The following MEGF10 variants were observed in gnomAD, a reference collection of about 807,000 sequenced individuals.
MEGF10 encodes the protein multiple EGF like domains 10.
In MEGF10, 86 loss-of-function variants were observed where a neutral mutation model predicts 147.5. The ratio of observed to expected loss-of-function variants is 0.58; its 90% CI spans 0.49 to 0.70. MEGF10 has a LOEUF of 0.70. Among genes scored for constraint, MEGF10 ranks in the 30% least tolerant of loss-of-function variants. The pLI is 0.00. For missense variants in MEGF10, 1,329 were observed against 1,487.3 expected (o/e 0.89, Z 1.75); for synonymous variants, 478 against 525.5 (o/e 0.91, Z 1.24).
intron 8 of MEGF10, among the ~76,000 whole-genome samples, chr5:127,408,429 A>G (rs1183660381): frequency 6.6e-6 from 1 of 152,184 alleles, no homozygotes; most frequent in Non-Finnish European, 1.5e-5. Context: ...ATGAGACCAC[A>G]TTATTGTACT....
At chr5:127,246,398 G>C in the MEGF10 span, among the ~76,000 whole-genome samples, 1 of 152,028 alleles carries the variant, frequency 6.6e-6, no homozygotes, top group Non-Finnish European at 1.5e-5. Context: ...AGTGGGAGTT[G>C]AACAATGAGA....
the MEGF10 span, among the ~76,000 whole-genome samples, chr5:127,262,615 A>C: frequency 1.2e-4 from 19 of 152,168 alleles, no homozygotes; most frequent in African/African-American, 4.3e-4. Context: ...CCTATCAAGG[A>C]TCAATTTATC....
chr5:127,424,247 G>A, intron 13 of MEGF10: 2 of 688,012 alleles, frequency 2.9e-6, no homozygotes, highest in South Asian at 3.1e-5. Context: ...CTCTCCTTAT[G>A]CCAGCACCAT....
intron 4 of MEGF10, among the ~76,000 whole-genome samples, chr5:127,350,891 G>A (rs72786500): frequency 0.097 from 14,777 of 151,902 alleles, 818 homozygotes; most frequent in Middle Eastern, 0.17. Flanking sequence ...ATCACATCCG[G>A]GTAAATGGGG....
rs532711557 is a variant in MEGF10 at position 127,392,679 on chromosome 5, G to A, written c.413-3853G>A. On this transcript the variant is annotated intron_variant, in intron 5 of 24. Transcript: ENST00000503335. ...TTGAATGAACTTCAGTACCCAGCCC[G>A]TGAATGTAACCTGGGGTTACTGGGG... is the stretch of plus-strand genomic sequence containing the variant. Among the ~76,000 whole-genome samples the A allele has an allele frequency of 1.2e-4, 18 of 152,300 alleles. 1 individual carries two copies. Among genetic ancestry groups the A allele is most frequent in the Middle Eastern group, 3.4e-3 (1 of 294 alleles).
intron 21 of MEGF10, among the ~76,000 whole-genome samples, chr5:127,448,159 A>G (rs554549063): frequency 1.3e-5 from 2 of 152,326 alleles, no homozygotes; most frequent in Admixed American, 6.5e-5. Flanking sequence ...TAGTAACAAC[A>G]ACAGTAATAG....
intron 5 of MEGF10, among the ~76,000 whole-genome samples, chr5:127,388,783 G>T (rs1367667009): frequency 1.3e-5 from 2 of 150,208 alleles, no homozygotes; most frequent in Non-Finnish European, 3.0e-5. Context: ...CTGACCTCGT[G>T]ATCCACCCGC....
chr5:127,342,558 A>C (rs1761727097), intron 4 of MEGF10, among the ~76,000 whole-genome samples: 1 of 144,422 alleles, frequency 6.9e-6, no homozygotes, highest in Admixed American at 6.8e-5. Flanking sequence ...AGATCCAAGC[A>C]AGCTCAGTTA....
At chr5:127,444,625 A>G (rs1209331667) in intron 19 of MEGF10, 1 of 152,184 alleles carries the variant, frequency 6.6e-6, no homozygotes, top group African/African-American at 2.4e-5. Context: ...TTGAATCTCA[A>G]CCCATGCCTT....
chr5:127,354,169 T>C (rs1328079393), intron 4 of MEGF10, among the ~76,000 whole-genome samples: 2 of 152,130 alleles, frequency 1.3e-5, no homozygotes, highest in Admixed American at 1.3e-4. Flanking sequence ...GAAAAATAGT[T>C]CTGTAGATGA....
At chr5:127,280,700 C>T in the MEGF10 span, among the ~76,000 whole-genome samples, 2 of 152,142 alleles carry the variant, frequency 1.3e-5, no homozygotes. Context: ...TGCTGGATCC[C>T]TGATTGCTGA....
At chr5:127,262,703 T>A in the MEGF10 span, among the ~76,000 whole-genome samples, 97 of 152,330 alleles carry the variant, frequency 6.4e-4, 1 homozygote, top group African/African-American at 2.2e-3. Context: ...CTGTTCTTCC[T>A]TCTCCCTAGT....
intron 19 of MEGF10, 141 bp from the exon 20 acceptor site, chr5:127,445,316 T>C (rs1447019916): frequency 1.0e-5 from 7 of 688,240 alleles, no homozygotes; most frequent in Non-Finnish European, 1.3e-5. Context: ...GTTTGCTTTT[T>C]CTTCCTGCTC....
the MEGF10 span, among the ~76,000 whole-genome samples, chr5:127,255,535 C>G: frequency 6.6e-6 from 1 of 152,122 alleles, no homozygotes. Flanking sequence ...GTGAGGACAG[C>G]CAGCCTATGA....
chr5:127,363,093 A>C (rs1762533942), intron 4 of MEGF10, among the ~76,000 whole-genome samples: 1 of 152,178 alleles, frequency 6.6e-6, no homozygotes, highest in Non-Finnish European at 1.5e-5. Flanking sequence ...TCCCACTTGC[A>C]CTAGGTCGTG....
the MEGF10 span, among the ~76,000 whole-genome samples, chr5:127,248,738 C>T: frequency 6.6e-6 from 1 of 151,042 alleles, no homozygotes; most frequent in Non-Finnish European, 1.5e-5. Flanking sequence ...TCAGTTGTCC[C>T]ATATGTAGGG....
chr5:127,309,444 A>G (rs1481535480), intron 1 of MEGF10, among the ~76,000 whole-genome samples: 2 of 151,856 alleles, frequency 1.3e-5, no homozygotes. Context: ...GCAGCTCCCC[A>G]TTTTCCTCTT....
At chr5:127,449,332 A>G (rs1054701117) in intron 22 of MEGF10, 110 bp downstream of exon 22, 1 of 1,451,030 alleles carries the variant, frequency 6.9e-7, no homozygotes, top group African/African-American at 1.4e-5. Flanking sequence ...TGCATCAAAA[A>G]GCACAATAGC....
chr5:127,304,476 C>G (rs376051147), intron 1 of MEGF10, among the ~76,000 whole-genome samples: 1 of 152,076 alleles, frequency 6.6e-6, no homozygotes, highest in African/African-American at 2.4e-5. Flanking sequence ...ACTATCAGGA[C>G]GTATGTTCTT....
Sources: allele counts gnomAD v4.1 joint callset (sites outside exome capture counted in the v4.1 genomes callset), GRCh38; gene constraint gnomAD v4.1.1; transcripts MANE v1.5; gene names NCBI Gene and HGNC (gene_info 2026-07-23, HGNC 2026-07-21).